LRRTM4: variants seen among roughly 807,000 people sequenced by gnomAD.
The protein encoded by LRRTM4 is leucine-rich repeat transmembrane neuronal protein 4.
A neutral mutation model predicts 47.6 loss-of-function variants in LRRTM4; 25 were observed. The observed-to-expected ratio is 0.53, with a 90% CI of 0.38 to 0.73. LRRTM4 has a LOEUF of 0.73. Among genes scored for constraint, LRRTM4 ranks in the 30% least tolerant of loss-of-function variants. The pLI is 0.00. For synonymous variants in LRRTM4, 311 were observed against 269.5 expected (o/e 1.15, Z -1.51); for missense variants, 638 against 713.4 (o/e 0.89, Z 1.20).
intron 3 of LRRTM4, among the ~76,000 whole-genome samples, chr2:76,931,011 A>G (rs2103833862): frequency 6.6e-6 from 1 of 152,166 alleles, no homozygotes; most frequent in African/African-American, 2.4e-5. Context: ...TGGCTCATAG[A>G]CCTTGTATGA....
intron 3 of LRRTM4, among the ~76,000 whole-genome samples, chr2:76,807,874 C>T (rs1256216343): frequency 1.3e-5 from 2 of 151,154 alleles, no homozygotes; most frequent in Admixed American, 6.6e-5. Flanking sequence ...AGCCACCGCA[C>T]CCGGCCTATT....
chr2:77,004,853 G>A (rs1217640699), intron 3 of LRRTM4, among the ~76,000 whole-genome samples: 3 of 152,240 alleles, frequency 2.0e-5, no homozygotes, highest in East Asian at 1.9e-4. Context: ...TGTGAAACAT[G>A]GAGTCAAAGA....
chr2:76,803,354 C>T (rs1006781306), intron 3 of LRRTM4, among the ~76,000 whole-genome samples: 3 of 152,098 alleles, frequency 2.0e-5, no homozygotes, highest in Non-Finnish European at 4.4e-5. Context: ...AAATGCCCAA[C>T]ATTACTGATC....
chr2:76,877,672 T>G (rs1459122060), intron 3 of LRRTM4, among the ~76,000 whole-genome samples: 1 of 152,190 alleles, frequency 6.6e-6, no homozygotes, highest in Non-Finnish European at 1.5e-5. Flanking sequence ...TATTTTCTTA[T>G]GATAAAAACT....
chr2:77,254,715 T>G (rs891432211), intron 3 of LRRTM4, among the ~76,000 whole-genome samples: 1 of 151,818 alleles, frequency 6.6e-6, no homozygotes, highest in Non-Finnish European at 1.5e-5. Context: ...GTTGAGCTAT[T>G]AAAATGTTGA....
chr2:76,813,860 CTAATGCACTGGT>C (rs1670819943), intron 3 of LRRTM4, among the ~76,000 whole-genome samples: 1 of 152,170 alleles, frequency 6.6e-6, no homozygotes, highest in Non-Finnish European at 1.5e-5. Flanking sequence ...TCTTACATTA[CTAATGCACTGGT>C]ATTACATTGC....
chr2:76,933,121 G>A (rs1313591328), intron 3 of LRRTM4, among the ~76,000 whole-genome samples: 2 of 151,956 alleles, frequency 1.3e-5, no homozygotes, highest in Non-Finnish European at 2.9e-5. Flanking sequence ...GTCAAGTTAG[G>A]ATAACAATAA....
chr2:76,792,100 C>T (rs1358718320), intron 3 of LRRTM4, among the ~76,000 whole-genome samples: 2 of 151,668 alleles, frequency 1.3e-5, no homozygotes, highest in Admixed American at 6.6e-5. Flanking sequence ...TATAAATGCC[C>T]ATAGTTAGAG....
chr2:77,444,970 C>CACACACACAT, intron 3 of LRRTM4, among the ~76,000 whole-genome samples: 1 of 120,582 alleles, frequency 8.3e-6, no homozygotes, highest in African/African-American at 3.3e-5. Context: ...CACACACACA[C>CACACACACAT]GATCCGGAAA....
Position 77,372,174 on chromosome 2 carries a change from T to C in LRRTM4, c.1551+146144A>G, listed in dbSNP as rs113561673. 4.7e-3 allele frequency among the ~76,000 whole-genome samples: 711 copies of C among 151,870 alleles called. 1 individual carries two copies. The highest frequency in any genetic ancestry group is 8.5e-3 in the South Asian group (41 of 4,822). On this transcript the variant is annotated intron_variant, in intron 3 of 3. Transcript: ENST00000409884. ...CAGGAGGAAGACATTAGTTTTGTTA[T>C]TCTGGTTAGGAACAAACCTGCCATC... is the stretch of plus-strand genomic sequence containing the variant.
intron 3 of LRRTM4, among the ~76,000 whole-genome samples, chr2:77,207,372 T>TACACAC (rs66858623): frequency 1.3e-4 from 17 of 131,100 alleles, no homozygotes; most frequent in African/African-American, 5.2e-4. Flanking sequence ...TATATATATA[T>TACACAC]ACACACACAC....
At chr2:77,088,694 G>A (rs1404759474) in intron 3 of LRRTM4, among the ~76,000 whole-genome samples, 1 of 152,114 alleles carries the variant, frequency 6.6e-6, no homozygotes, top group Non-Finnish European at 1.5e-5. Flanking sequence ...CCGTGACTTG[G>A]ATCAGGGGAC....
intron 3 of LRRTM4, among the ~76,000 whole-genome samples, chr2:77,355,936 C>A (rs1671949654): frequency 6.6e-6 from 1 of 151,974 alleles, no homozygotes; most frequent in African/African-American, 2.4e-5. Flanking sequence ...TTACAAACTA[C>A]AAAAAAATTA....
At chr2:76,928,836 A>G (rs954676590) in intron 3 of LRRTM4, among the ~76,000 whole-genome samples, 4 of 152,198 alleles carry the variant, frequency 2.6e-5, no homozygotes, top group African/African-American at 9.7e-5. Flanking sequence ...AAAGCAAAGA[A>G]CACAAAAGAA....
intron 3 of LRRTM4, among the ~76,000 whole-genome samples, chr2:77,082,174 ATCTTTATTC>A (rs1680554939): frequency 6.6e-6 from 1 of 152,114 alleles, no homozygotes; most frequent in Admixed American, 6.5e-5. Context: ...ATTTCTTAAT[ATCTTTATTC>A]TTCATGTAAA....
chr2:76,777,116 A>G (rs1674049457), intron 3 of LRRTM4, among the ~76,000 whole-genome samples: 1 of 148,992 alleles, frequency 6.7e-6, no homozygotes, highest in Admixed American at 6.7e-5. Flanking sequence ...CCATTGATCT[A>G]TATCTCTGTT....
chr2:77,295,447 T>C (rs932685012), intron 3 of LRRTM4, among the ~76,000 whole-genome samples: 3 of 152,180 alleles, frequency 2.0e-5, no homozygotes, highest in African/African-American at 7.2e-5. Flanking sequence ...ATGCCCACAT[T>C]AGCAAGTCCA....
At chr2:77,005,619 T>A (rs1677613788) in intron 3 of LRRTM4, among the ~76,000 whole-genome samples, 1 of 152,188 alleles carries the variant, frequency 6.6e-6, no homozygotes, top group Admixed American at 6.6e-5. Context: ...CTTGTGCTTT[T>A]GTCATGATAA....
intron 3 of LRRTM4, among the ~76,000 whole-genome samples, chr2:76,923,951 T>C (rs1013808417): frequency 1.3e-5 from 2 of 152,142 alleles, no homozygotes; most frequent in Non-Finnish European, 2.9e-5. Flanking sequence ...ATCCTCAATA[T>C]TACTGTGGCA....
Sources: allele counts gnomAD v4.1 joint callset (sites outside exome capture counted in the v4.1 genomes callset), GRCh38; gene constraint gnomAD v4.1.1; transcripts MANE v1.5; gene names NCBI Gene and HGNC (gene_info 2026-07-23, HGNC 2026-07-21).